Variants in DDX42 observed in about 807,000 individuals in gnomAD.
DDX42 encodes the protein DEAD-box helicase 42, also known as ATP-dependent RNA helicase DDX42.
DDX42 carries 22 observed loss-of-function variants against 101.5 expected under a neutral mutation model. That is an observed-to-expected ratio of 0.22 (90% CI 0.15 to 0.31). The LOEUF (loss-of-function observed/expected upper bound fraction) is 0.31. DDX42 is among the 10% of genes least tolerant of loss of function. The pLI, the probability that DDX42 is intolerant of heterozygous loss-of-function variation, is 1.00. For missense variants in DDX42, 849 were observed against 1,199.9 expected, an observed-to-expected ratio of 0.71 and a Z score of 4.32; for synonymous variants, 402 against 401.2, an observed-to-expected ratio of 1.00 and a Z score of -0.02.
intron 4 of DDX42, among the ~76,000 whole-genome samples, chr17:63,799,148 C>T (rs1315842401): frequency 6.6e-6 from 1 of 152,120 alleles, no homozygotes; most frequent in Non-Finnish European, 1.5e-5. Context: ...GGCTGAAAAC[C>T]ATTTACCCTA....
chr17:63,800,440 G>T (rs776670518), intron 5 of DDX42, 28 bp from the exon 6 acceptor site: 1 of 1,607,336 alleles, frequency 6.2e-7, no homozygotes, highest in Non-Finnish European at 8.5e-7. Flanking sequence ...GTACTTGGGT[G>T]TGATTATGTT....
chr17:63,817,965 A>G lies in DDX42; in HGVS notation c.2384A>G (p.Asn795Ser). ...GTCAACAACACAGCTTCAGGGAATA[A>G]CAGCCGAGAAGGGACTGGGGGCAGC... ...QGVNNTASGN[N>S]SREGTGGSNG... The change falls in exon 18 of 18, where the codon AAC becomes AGC. Residue 795 changes from asparagine to serine, a missense_variant. Transcript: ENST00000389924. 2 of 1,614,200 alleles carry G rather than the reference A, an allele frequency of 1.2e-6. No homozygotes were observed. The highest frequency in any genetic ancestry group is 1.7e-6 in the Non-Finnish European group (2 of 1,180,030).
rs1463150972 is a variant in DDX42, at chr17:63,774,240, TGGTGGC to T, written c.-150_-145del. On this transcript the variant is annotated 5_prime_UTR_variant, in exon 1 of 18. Coordinates refer to ENST00000389924, the MANE Select transcript of DDX42 (RefSeq NM_203499.3). ...GTGGCGGTGGCGGCGGCGGTGGTGG[TGGTGGC>T]GGCGGCGGCGGCGAAGGGGGCGGAG... is the stretch of plus-strand genomic sequence containing the variant. 10 of 190,928 alleles carry T rather than the reference TGGTGGC, an allele frequency of 5.2e-5. No individual in the cohort carries two copies. The highest frequency in any genetic ancestry group is 2.8e-4 in the South Asian group (2 of 7,262). The allele number at this position is 190,928 out of a possible 1,614,324, so 11.8% of individuals were successfully genotyped here. A position where few individuals can be genotyped will look rare whatever the true frequency, so the allele number is the denominator to read the frequency against.
intron 1 of DDX42, among the ~76,000 whole-genome samples, chr17:63,779,042 GT>G (rs1319725436): frequency 6.6e-6 from 1 of 152,108 alleles, no homozygotes. Flanking sequence ...AACAATGGAT[GT>G]TATTACTAAG....
chr17:63,788,077 G>T (rs540350301), intron 2 of DDX42, among the ~76,000 whole-genome samples: 2 of 151,722 alleles, frequency 1.3e-5, no homozygotes, highest in South Asian at 4.2e-4. Context: ...GCTAATTTTT[G>T]TATTATTAGT....
chr17:63,805,342 T>C, intron 7 of DDX42, 167 bp downstream of exon 7: 2 of 817,502 alleles, frequency 2.4e-6, no homozygotes, highest in South Asian at 2.0e-5. Flanking sequence ...TTAATTTGAT[T>C]GTTTTAGTCT....
At chr17:63,781,174 A>G (rs1027823028) in intron 1 of DDX42, among the ~76,000 whole-genome samples, 1 of 152,066 alleles carries the variant, frequency 6.6e-6, no homozygotes, top group Non-Finnish European at 1.5e-5. Context: ...AACTGCTTTC[A>G]CTGATGACTC....
Position 63,818,485 on chromosome 17 carries a change from C to T in DDX42, c.*87C>T, listed in dbSNP as rs964571630. On this transcript the variant is annotated 3_prime_UTR_variant, in exon 18 of 18. Coordinates refer to ENST00000389924, the MANE Select transcript of DDX42 (RefSeq NM_203499.3). ...GGTGTCTCAGGGCTGGGTTGGGGTC[C>T]AAAGTGTAAGGACCCCCTGCCCTTA... is the stretch of plus-strand genomic sequence containing the variant. The T allele has an allele frequency of 3.1e-6, 4 of 1,304,094 alleles. No individual in the cohort carries two copies. The Admixed American group carries it at 9.6e-5, about 31-fold the overall frequency. The allele number at this position is 1,304,094 out of a possible 1,614,324, so 80.8% of individuals were successfully genotyped here.
At chr17:63,780,055 G>C (rs1331004070) in intron 1 of DDX42, among the ~76,000 whole-genome samples, 1 of 152,182 alleles carries the variant, frequency 6.6e-6, no homozygotes, top group Non-Finnish European at 1.5e-5. Context: ...CCAGCACTTT[G>C]GGAGGCCAAG....
At chr17:63,806,764 A>G in intron 8 of DDX42, 110 bp downstream of exon 8, 3 of 1,203,072 alleles carry the variant, frequency 2.5e-6, no homozygotes, top group Non-Finnish European at 3.3e-6. Context: ...AACCTTGTTG[A>G]TAAGGATAGA....
chr17:63,788,806 T>C (rs974697693), intron 2 of DDX42, among the ~76,000 whole-genome samples: 1 of 152,224 alleles, frequency 6.6e-6, no homozygotes, highest in Non-Finnish European at 1.5e-5. Flanking sequence ...ATATCTCTCT[T>C]TGCTGAATCT....
chr17:63,807,179 T>C (rs1297268269), intron 8 of DDX42, among the ~76,000 whole-genome samples: 3 of 152,168 alleles, frequency 2.0e-5, no homozygotes, highest in Non-Finnish European at 4.4e-5. Context: ...CTCACTCTGT[T>C]GTCCAAGCTG....
intron 3 of DDX42, among the ~76,000 whole-genome samples, chr17:63,793,657 C>T (rs1052208041): frequency 6.6e-6 from 1 of 152,058 alleles, no homozygotes; most frequent in African/African-American, 2.4e-5. Flanking sequence ...TTACAACCAC[C>T]ATGTTATTGT....
At chr17:63,796,885 T>C (rs571207506) in intron 3 of DDX42, among the ~76,000 whole-genome samples, 1 of 152,180 alleles carries the variant, frequency 6.6e-6, no homozygotes, top group Non-Finnish European at 1.5e-5. Flanking sequence ...CAGGAACATT[T>C]GGTTTGATAG....
At chr17:63,803,156 G>A (rs1438637685) in intron 6 of DDX42, among the ~76,000 whole-genome samples, 2 of 152,092 alleles carry the variant, frequency 1.3e-5, no homozygotes, top group African/African-American at 4.8e-5. Flanking sequence ...ATGAATAAAA[G>A]CTCAACTCAA....
At chr17:63,813,931 C>G (rs2039943651) in intron 15 of DDX42, among the ~76,000 whole-genome samples, 1 of 152,066 alleles carries the variant, frequency 6.6e-6, no homozygotes, top group Non-Finnish European at 1.5e-5. Flanking sequence ...CCTCTGCCTC[C>G]TGGGTTCAAG....
rs1481513995 is a variant in DDX42 at position 63,811,249 on chromosome 17, C to T, written c.1398+76C>T. 3 of 1,092,190 alleles carry T rather than the reference C, an allele frequency of 2.7e-6. No individual in the cohort carries two copies. The African/African-American group carries it at 4.9e-5, about 18-fold the overall frequency. 67.7% of individuals were successfully genotyped at this position (1,092,190 alleles called of 1,614,324 possible). ...TATGGAACACAGAATTAATTTCTCA[C>T]TATTGAGATAAAAAAAAAAGATGTT... On this transcript the variant is annotated intron_variant, in intron 13 of 17. Transcript: ENST00000389924.
At chr17:63,795,430 A>G (rs1413917700) in intron 3 of DDX42, among the ~76,000 whole-genome samples, 3 of 152,216 alleles carry the variant, frequency 2.0e-5, no homozygotes, top group Non-Finnish European at 4.4e-5. Flanking sequence ...TGTAACCTCA[A>G]ATTCCTAGGC....
rs2040017469 is a variant in DDX42 at position 63,819,125 on chromosome 17, A to G, written c.*727A>G. On this transcript the variant is annotated 3_prime_UTR_variant, in exon 18 of 18. Coordinates refer to ENST00000389924, the MANE Select transcript of DDX42 (RefSeq NM_203499.3). The stretch of plus-strand genomic sequence containing the variant: ...AACAACAGCTTTTAAAGTGTCTTCT[A>G]TCTCATTGTATTTTTTTTAACTTGC... The G allele has an allele frequency of 6.6e-6, 1 of 152,518 alleles. No homozygotes were observed. Among genetic ancestry groups the G allele is most frequent in the South Asian group, 2.1e-4 (1 of 4,836 alleles). The allele number at this position is 152,518 out of a possible 1,614,324, so 9.4% of individuals were successfully genotyped here. A position where few individuals can be genotyped will look rare whatever the true frequency, so the allele number is the denominator to read the frequency against.
Sources: gnomAD v4.1 joint callset for allele counts (sites outside exome capture counted in the v4.1 genomes callset) on GRCh38, gnomAD v4.1.1 for gene constraint, MANE v1.5 for transcripts, NCBI Gene and HGNC (gene_info 2026-07-23, HGNC 2026-07-21) for gene names.